The following MDGA2 variants were observed in gnomAD, a reference collection of about 807,000 sequenced individuals.
The protein encoded by MDGA2 is MAM domain containing glycosylphosphatidylinositol anchor 2, also known as MAM domain-containing glycosylphosphatidylinositol anchor protein 2.
MDGA2 carries 40 observed loss-of-function variants against 117.8 expected under a neutral mutation model. That is an observed-to-expected ratio of 0.34 (90% CI 0.26 to 0.44). MDGA2 has a LOEUF of 0.44. Among genes scored for constraint, MDGA2 ranks in the 20% least tolerant of loss-of-function variants. MDGA2 has a pLI of 1.00. For missense variants in MDGA2, 1,123 were observed against 1,250.6 expected (o/e 0.90, Z 1.54); for synonymous variants, 452 against 439.0 (o/e 1.03, Z -0.37).
At chr14:47,136,321 CA>C (rs1355599405) in intron 4 of MDGA2, among the ~76,000 whole-genome samples, 1 of 151,846 alleles carries the variant, frequency 6.6e-6, no homozygotes, top group East Asian at 1.9e-4. Flanking sequence ...TTCAGCCTCC[CA>C]AGTAGCTGGG....
intron 6 of MDGA2, among the ~76,000 whole-genome samples, chr14:47,091,600 C>A (rs931485116): frequency 9.2e-5 from 14 of 151,896 alleles, no homozygotes; most frequent in Non-Finnish European, 1.9e-4. Context: ...AATTTTAATT[C>A]CATTTTGGGT....
intron 9 of MDGA2, among the ~76,000 whole-genome samples, chr14:46,943,624 A>G (rs1595060256): frequency 6.6e-6 from 1 of 152,184 alleles, no homozygotes; most frequent in East Asian, 1.9e-4. Flanking sequence ...TGAGGTCCCT[A>G]TTTACTTCTC....
chr14:47,028,607 G>A (rs913666199), intron 8 of MDGA2, among the ~76,000 whole-genome samples: 16 of 152,060 alleles, frequency 1.1e-4, no homozygotes, highest in East Asian at 1.9e-4. Context: ...AAGATCTTTC[G>A]TCATCACCAA....
rs150211789 is a variant in MDGA2, at chr14:47,423,795, A to ATTTATTTTAT, written c.281-122255_281-122246dup. Among the ~76,000 whole-genome samples the ATTTATTTTAT allele has an allele frequency of 5.7e-3, 864 of 150,454 alleles. 11 individuals are homozygous for ATTTATTTTAT. The highest frequency in any genetic ancestry group is 0.014 in the African/African-American group (585 of 40,834). On this transcript the variant is annotated intron_variant, in intron 1 of 16. Transcript: ENST00000399232. Reference sequence around the variant, plus strand: ...AACACACTGTTTATTTTATTTAACTATTTATTTTATTTTATTTTATTTTAC... The same window carrying ATTTATTTTAT: ...AACACACTGTTTATTTTATTTAACTATTTATTTTATTTTATTTTATTTTATTTTATTTTAC...
Position 46,929,626 on chromosome 14 carries a change from TATATATATATATATATATATACA to T in MDGA2, c.2090-9489_2090-9467del, listed in dbSNP as rs1566530296. ...GTATATATATATATATATATATATA[TATATATATATATATATATATACA>T]TTTTTTTTTTTTTTTTTTCGAGATG... On this transcript the variant is annotated intron_variant, in intron 9 of 16. Transcript: ENST00000399232. Among the ~76,000 whole-genome samples the T allele has an allele frequency of 7.8e-3, 240 of 30,808 alleles. 21 individuals carry two copies. Among genetic ancestry groups the T allele is most frequent in the Non-Finnish European group, 0.011 (153 of 14,262 alleles). 20.2% of individuals were successfully genotyped at this position (30,808 alleles called of 152,430 possible).
intron 1 of MDGA2, among the ~76,000 whole-genome samples, chr14:47,527,319 T>A (rs1056251540): frequency 2.0e-5 from 3 of 152,148 alleles, no homozygotes; most frequent in African/African-American, 7.2e-5. Context: ...TGGTTCCCAC[T>A]AGGAAACAGC....
intron 3 of MDGA2, among the ~76,000 whole-genome samples, chr14:47,210,674 T>C (rs1885847797): frequency 6.6e-6 from 1 of 152,154 alleles, no homozygotes; most frequent in Non-Finnish European, 1.5e-5. Context: ...AATGAAACAG[T>C]ATCGGTATTA....
chr14:47,202,775 C>A (rs551490070), intron 3 of MDGA2, among the ~76,000 whole-genome samples: 3 of 152,058 alleles, frequency 2.0e-5, no homozygotes, highest in African/African-American at 7.2e-5. Flanking sequence ...GATGAGAAGC[C>A]AGCAGCTTGG....
intron 5 of MDGA2, among the ~76,000 whole-genome samples, chr14:47,101,557 C>T (rs1483876194): frequency 6.6e-6 from 1 of 152,144 alleles, no homozygotes; most frequent in Non-Finnish European, 1.5e-5. Context: ...ACATAGTCAT[C>T]TCATGGAAAA....
intron 6 of MDGA2, among the ~76,000 whole-genome samples, chr14:47,095,042 T>G (rs1046410719): frequency 1.3e-5 from 2 of 152,016 alleles, no homozygotes; most frequent in African/African-American, 4.8e-5. Flanking sequence ...GAACTGTAAC[T>G]CCTTTGAGGG....
intron 9 of MDGA2, among the ~76,000 whole-genome samples, chr14:46,950,011 T>A (rs1885311295): frequency 6.6e-6 from 1 of 151,876 alleles, no homozygotes. Context: ...TAAGGAGCCA[T>A]CAAACTGCTG....
intron 1 of MDGA2, among the ~76,000 whole-genome samples, chr14:47,606,743 A>G (rs574228796): frequency 6.6e-6 from 1 of 152,206 alleles, no homozygotes; most frequent in Non-Finnish European, 1.5e-5. Flanking sequence ...GGTTTGTAGG[A>G]CAAAAAGAGC....
At chr14:46,932,282 T>C (rs1179220200) in intron 9 of MDGA2, among the ~76,000 whole-genome samples, 1 of 152,070 alleles carries the variant, frequency 6.6e-6, no homozygotes, top group Non-Finnish European at 1.5e-5. Flanking sequence ...TCTTTAGACT[T>C]GTATGAAAAC....
intron 1 of MDGA2, among the ~76,000 whole-genome samples, chr14:47,436,637 G>C (rs1892904797): frequency 6.6e-6 from 1 of 152,034 alleles, no homozygotes. Flanking sequence ...ATTAAAATAA[G>C]AATTGTCTTG....
At chr14:47,307,857 T>C (rs1319462684) in intron 1 of MDGA2, among the ~76,000 whole-genome samples, 4 of 152,084 alleles carry the variant, frequency 2.6e-5, no homozygotes, top group Non-Finnish European at 4.4e-5. Context: ...GAGAGTTCTA[T>C]AGGAGAGCAT....
intron 5 of MDGA2, among the ~76,000 whole-genome samples, chr14:47,104,906 C>T (rs576263089): frequency 3.9e-5 from 6 of 152,160 alleles, no homozygotes; most frequent in African/African-American, 1.4e-4. Flanking sequence ...AATCTTGGTG[C>T]CACACTTCAA....
At chr14:47,409,247 T>C (rs1328324401) in intron 1 of MDGA2, among the ~76,000 whole-genome samples, 2 of 152,210 alleles carry the variant, frequency 1.3e-5, no homozygotes, top group African/African-American at 2.4e-5. Flanking sequence ...AGATTTGTTC[T>C]GAGGTTACTT....
intron 1 of MDGA2, among the ~76,000 whole-genome samples, chr14:47,384,450 TCC>T (rs1231958181): frequency 6.6e-6 from 1 of 152,034 alleles, no homozygotes; most frequent in Admixed American, 6.6e-5. Context: ...CCAGGATCAT[TCC>T]TCATAGAATT....
At chr14:46,906,688 C>T (rs550266851) in intron 10 of MDGA2, among the ~76,000 whole-genome samples, 4 of 152,126 alleles carry the variant, frequency 2.6e-5, no homozygotes, top group South Asian at 2.1e-4. Context: ...CTTTATAATA[C>T]AACTCTAGGA....
Sources: gnomAD v4.1 joint callset for allele counts (sites outside exome capture counted in the v4.1 genomes callset) on GRCh38, gnomAD v4.1.1 for gene constraint, MANE v1.5 for transcripts, NCBI Gene and HGNC (gene_info 2026-07-23, HGNC 2026-07-21) for gene names.